NUP98: variants seen among roughly 807,000 people sequenced by gnomAD.
NUP98 encodes nucleoporin 98 and 96 precursor, also known as nuclear pore complex protein Nup98-Nup96.
In NUP98, 26 loss-of-function variants were observed where a neutral mutation model predicts 191.9. That is an observed-to-expected ratio of 0.14 (90% CI 0.10 to 0.19). NUP98 has a LOEUF of 0.19. Ranked by LOEUF, NUP98 falls within the 10% of genes least tolerant of loss-of-function variation. The pLI is 1.00. For synonymous variants in NUP98, 808 were observed against 778.4 expected (o/e 1.04, Z -0.63); for missense variants, 1,941 against 2,178.8 (o/e 0.89, Z 2.17).
intron 28 of NUP98, among the ~76,000 whole-genome samples, chr11:3,686,892 C>T (rs938058214): frequency 3.3e-5 from 5 of 152,072 alleles, no homozygotes; most frequent in African/African-American, 4.8e-5. Context: ...GAGGCTGTGG[C>T]ACAAGAACTG....
At chr11:3,713,759 AACGTTATGTG>A (rs2079089984) in intron 19 of NUP98, 49 bp downstream of exon 19, 1 of 1,509,114 alleles carries the variant, frequency 6.6e-7, no homozygotes, top group Admixed American at 2.1e-5. Context: ...TTCCAACATA[AACGTTATGTG>A]ACTCCAAATA....
chr11:3,780,531 G>C (rs1164917254), intron 2 of NUP98, among the ~76,000 whole-genome samples: 2 of 105,212 alleles, frequency 1.9e-5, no homozygotes, highest in Admixed American at 1.4e-4. Context: ...GACAGAGCGA[G>C]ACTCCATCTC....
chr11:3,768,594 C>T lies in NUP98; in HGVS notation c.935G>A (p.Ser312Asn). Residue 312 changes from serine to asparagine, a missense_variant, in exon 8 of 33, where the codon AGC becomes AAC. By Grantham distance (46) the Ser-to-Asn change is conservative. This residue lies in a region of NUP98 where 181 missense variants were observed against 228.0 expected (regional missense o/e 0.79). Transcript: ENST00000324932. ...CTGTTTCCTTACCATGGTGTTGGTG[C>T]TTGGCTGTCCTATGGTGCTGGTATT... is the stretch of plus-strand genomic sequence containing the variant. ...FGNTSTIGQP[S>N]TNTMGLFGVT... The T allele has an allele frequency of 6.3e-7, 1 of 1,590,770 alleles. No individual in the cohort carries two copies. The highest frequency in any genetic ancestry group is 1.4e-5 in the African/African-American group (1 of 73,658).
intron 27 of NUP98, 77 bp from the exon 28 acceptor site, chr11:3,691,566 T>G (rs2078311915): frequency 6.8e-7 from 1 of 1,462,744 alleles, no homozygotes; most frequent in Admixed American, 2.0e-5. Flanking sequence ...TCTTCTTTTT[T>G]TTTTTGAGAG....
chr11:3,792,380 C>T (rs994970824), intron 1 of NUP98, among the ~76,000 whole-genome samples: 4 of 151,930 alleles, frequency 2.6e-5, no homozygotes, highest in African/African-American at 9.7e-5. Context: ...GAGGCCGAGA[C>T]GGGAAGATCA....
intron 14 of NUP98, among the ~76,000 whole-genome samples, chr11:3,728,179 G>A (rs1007326026): frequency 7.2e-5 from 11 of 152,196 alleles, no homozygotes; most frequent in Admixed American, 4.6e-4. Context: ...CATGCCTATC[G>A]TGTCCTAACA....
At position 3,719,507 on chromosome 11, in the gene NUP98, A is replaced by G; in HGVS notation, c.2304T>C (p.Asn768=). The G allele has an allele frequency of 6.3e-7, 1 of 1,591,550 alleles. No homozygotes were observed. Among genetic ancestry groups the G allele is most frequent in the South Asian group, 1.2e-5 (1 of 86,632 alleles). Residue 768 remains asparagine (N), a synonymous_variant, in exon 18 of 33, where the codon AAT becomes AAC. Transcript: ENST00000324932. Reference sequence around the variant, plus strand: ...TATGCACAATATCATCCAAATTTAGATTTGTCAAATTCACATCTCCTTCAA... The same window carrying G: ...TATGCACAATATCATCCAAATTTAGGTTTGTCAAATTCACATCTCCTTCAA... ...IYFEGDVNLT[N]LNLDDIVHIR...
At chr11:3,725,314 C>G in intron 14 of NUP98, 95 bp from the exon 15 acceptor site, 1 of 648,370 alleles carries the variant, frequency 1.5e-6, no homozygotes, top group Non-Finnish European at 2.8e-6. Flanking sequence ...CAATGGTGCA[C>G]TTCTGCTCAA....
intron 10 of NUP98, chr11:3,760,275 C>A: frequency 2.0e-6 from 1 of 502,040 alleles, no homozygotes; most frequent in Non-Finnish European, 3.5e-6. Context: ...TCAGCTATTG[C>A]TGAAGTAATC....
intron 18 of NUP98, among the ~76,000 whole-genome samples, chr11:3,716,771 T>C (rs1214293465): frequency 2.0e-5 from 3 of 152,162 alleles, no homozygotes; most frequent in Non-Finnish European, 4.4e-5. Flanking sequence ...TCCATTGGTA[T>C]TTATGTCTGT....
intron 14 of NUP98, among the ~76,000 whole-genome samples, chr11:3,730,034 C>T (rs2079783037): frequency 6.6e-6 from 1 of 151,952 alleles, no homozygotes; most frequent in Non-Finnish European, 1.5e-5. Flanking sequence ...CTGAGGTCAG[C>T]AGTTCAAGAC....
At chr11:3,735,848 TGC>T (rs201015647) in intron 12 of NUP98, among the ~76,000 whole-genome samples, 1 of 150,506 alleles carries the variant, frequency 6.6e-6, no homozygotes, top group African/African-American at 2.4e-5. Flanking sequence ...TGTGTGTGTG[TGC>T]GTGCGTGTAT....
intron 1 of NUP98, among the ~76,000 whole-genome samples, chr11:3,782,796 T>C (rs2082016933): frequency 2.0e-5 from 3 of 152,050 alleles, no homozygotes. Flanking sequence ...TCCACCCACC[T>C]GGGTGCTGAG....
chr11:3,676,727 G>A (rs1473520563), intron 31 of NUP98, 107 bp from the exon 32 acceptor site: 1 of 920,484 alleles, frequency 1.1e-6, no homozygotes, highest in African/African-American at 1.6e-5. Context: ...GTGAGGGAGG[G>A]GAAAATCCAA....
intron 10 of NUP98, among the ~76,000 whole-genome samples, chr11:3,757,144 T>TAG (rs1456706007): frequency 1.3e-5 from 2 of 148,930 alleles, no homozygotes; most frequent in South Asian, 2.1e-4. Flanking sequence ...TATGTGTATA[T>TAG]ATATATATTT....
intron 8 of NUP98, 67 bp from the exon 9 acceptor site, chr11:3,763,106 T>C: frequency 1.4e-6 from 2 of 1,470,336 alleles, no homozygotes; most frequent in South Asian, 2.6e-5. Flanking sequence ...CTCAGAGTAA[T>C]AAAAAAAAAG....
intron 7 of NUP98, among the ~76,000 whole-genome samples, chr11:3,771,100 C>G (rs2081517210): frequency 6.6e-6 from 1 of 152,144 alleles, no homozygotes; most frequent in Non-Finnish European, 1.5e-5. Flanking sequence ...TGACCTCAAG[C>G]AACCCACCTG....
chr11:3,786,854 C>T (rs1323407551), intron 1 of NUP98, among the ~76,000 whole-genome samples: 1 of 152,224 alleles, frequency 6.6e-6, no homozygotes, highest in East Asian at 1.9e-4. Flanking sequence ...ACTATGCAAG[C>T]TTCCCAAGAC....
intron 1 of NUP98, among the ~76,000 whole-genome samples, chr11:3,787,523 CAGTG>C (rs1362128616): frequency 3.9e-5 from 6 of 152,102 alleles, no homozygotes; most frequent in South Asian, 2.1e-4. Flanking sequence ...GCAGAGGTTG[CAGTG>C]AGCCAAGATC....
Sources: allele counts gnomAD v4.1 joint callset (sites outside exome capture counted in the v4.1 genomes callset), GRCh38; gene constraint gnomAD v4.1.1; regional missense constraint gnomAD v4.1.1; transcripts MANE v1.5; gene names NCBI Gene and HGNC (gene_info 2026-07-23, HGNC 2026-07-21).